The following RPS6KA6 variants were observed in gnomAD, a reference collection of about 807,000 sequenced individuals.
RPS6KA6 encodes ribosomal protein S6 kinase alpha-6.
A neutral mutation model predicts 65.4 loss-of-function variants in RPS6KA6; 27 were observed. The observed-to-expected ratio is 0.41, with a 90% CI of 0.30 to 0.57. RPS6KA6 has a LOEUF of 0.57. Among genes scored for constraint, RPS6KA6 ranks in the 20% least tolerant of loss-of-function variants. The probability of loss-of-function intolerance (pLI) is 0.24; values close to 1 mark genes in which losing one functional copy is unlikely to be tolerated. For missense variants in RPS6KA6, 486 were observed against 555.6 expected (o/e 0.87, Z 1.26); for synonymous variants, 190 against 184.2 (o/e 1.03, Z -0.26).
chrX:84,065,036 T>A lies in RPS6KA6; in HGVS notation c.2047A>T (p.Ile683Leu), dbSNP rs767887649. Residue 683 changes from isoleucine to leucine, a missense_variant, in exon 21 of 22, where the codon ATA becomes TTA. Ile to Leu is a conservative substitution (Grantham distance 5). Around this residue, in one of 3 missense-constraint regions of RPS6KA6, gnomAD observed 345 missense variants for 375.0 expected, o/e 0.92. Transcript: ENST00000262752. ...TTTGGCAACTGGTCTCTGTGAGTTATCCATGAGTGCTTTAATATTTGTTCA... is the reference window on the plus strand; with the variant it reads ...TTTGGCAACTGGTCTCTGTGAGTTAACCATGAGTGCTTTAATATTTGTTCA... Reference protein sequence around the residue: ...TAEQILKHSWITHRDQLPNDQ... With the variant: ...TAEQILKHSWLTHRDQLPNDQ... The A allele has an allele frequency of 2.5e-6, 3 of 1,201,423 alleles. No homozygotes were observed. The highest frequency in any genetic ancestry group is 3.4e-6 in the Non-Finnish European group (3 of 886,570).
intron 19 of RPS6KA6, among the ~76,000 whole-genome samples, chrX:84,096,804 A>T (rs1204687341): frequency 1.8e-5 from 2 of 111,643 alleles, no homozygotes; most frequent in Non-Finnish European, 3.8e-5. Context: ...GGTTGGTTAA[A>T]TATGTATATC....
At chrX:84,098,209 T>C (rs1025968175) in intron 18 of RPS6KA6, among the ~76,000 whole-genome samples, 1 of 111,339 alleles carries the variant, frequency 9.0e-6, no homozygotes, top group Non-Finnish European at 1.9e-5. Flanking sequence ...ATTACAAAAC[T>C]AGTAAGTAGT....
intron 1 of RPS6KA6, among the ~76,000 whole-genome samples, chrX:84,167,891 T>C (rs1180348737): frequency 9.0e-6 from 1 of 110,721 alleles, no homozygotes; most frequent in Non-Finnish European, 1.9e-5. Context: ...CTCAGAACCC[T>C]ACATGAAAAA....
chrX:84,094,437 T>A (rs2034111702), intron 20 of RPS6KA6, among the ~76,000 whole-genome samples: 1 of 107,332 alleles, frequency 9.3e-6, no homozygotes, highest in Non-Finnish European at 1.9e-5. Context: ...GGTCAGGAGA[T>A]CGAGACCATC....
intron 20 of RPS6KA6, among the ~76,000 whole-genome samples, chrX:84,087,826 C>T (rs768584705): frequency 8.9e-6 from 1 of 111,967 alleles, no homozygotes; most frequent in Non-Finnish European, 1.9e-5. Flanking sequence ...TTTACATAGT[C>T]CCATATTTCT....
At chrX:84,185,989 T>G (rs2035923922) in intron 1 of RPS6KA6, 2 of 497,649 alleles carry the variant, frequency 4.0e-6, no homozygotes, top group Non-Finnish European at 7.2e-6. Flanking sequence ...TTAAGTAACT[T>G]GCAGGGTTAA....
At chrX:84,083,182 T>A (rs1207766203) in intron 20 of RPS6KA6, among the ~76,000 whole-genome samples, 3 of 112,569 alleles carry the variant, frequency 2.7e-5, no homozygotes, top group African/African-American at 9.7e-5. Context: ...GGGAGAAAAT[T>A]TTTGGAATCT....
rs768878691 is a variant in RPS6KA6, at chrX:84,171,837, G to A, written c.82-7450C>T. Among the ~76,000 whole-genome samples, 170 of 109,714 alleles carry A rather than the reference G, an allele frequency of 1.5e-3. 1 individual carries two copies. Among genetic ancestry groups the A allele is most frequent in the African/African-American group, 5.5e-3 (165 of 30,065 alleles). ...CGAATACTCTCCCCGCCCTTTTCCC[G>A]CCAACCCCCGACATACCCCAGTGTG... On this transcript the variant is annotated intron_variant, in intron 1 of 21. Coordinates refer to ENST00000262752, the MANE Select transcript of RPS6KA6 (RefSeq NM_014496.5).
intron 3 of RPS6KA6, among the ~76,000 whole-genome samples, chrX:84,154,548 G>A (rs746765867): frequency 2.7e-5 from 3 of 111,019 alleles, no homozygotes; most frequent in Non-Finnish European, 5.7e-5. Flanking sequence ...GCTATAAAGT[G>A]CAAAATAGCT....
chrX:84,131,244 T>G (rs1335128231), intron 8 of RPS6KA6, among the ~76,000 whole-genome samples: 4 of 112,241 alleles, frequency 3.6e-5, no homozygotes, highest in Non-Finnish European at 3.8e-5. Flanking sequence ...AAGCCCTATA[T>G]TGCTTGTTTA....
intron 1 of RPS6KA6, among the ~76,000 whole-genome samples, chrX:84,177,073 G>C (rs772586925): frequency 9.0e-6 from 1 of 111,422 alleles, no homozygotes; most frequent in Non-Finnish European, 1.9e-5. Flanking sequence ...ACGAAAAAAA[G>C]ACAGCCTTAC....
At chrX:84,107,505 T>G in intron 13 of RPS6KA6, 118 bp downstream of exon 13, 2 of 438,166 alleles carry the variant, frequency 4.6e-6, no homozygotes, top group Non-Finnish European at 7.7e-6. Context: ...ATATTTCCCA[T>G]GGACAAATCA....
chrX:84,125,626 G>A (rs939417364), intron 8 of RPS6KA6, among the ~76,000 whole-genome samples: 14 of 111,042 alleles, frequency 1.3e-4, no homozygotes, highest in East Asian at 5.7e-4. Flanking sequence ...AGGCCGAGGC[G>A]GGCAGATCAC....
intron 12 of RPS6KA6, among the ~76,000 whole-genome samples, chrX:84,109,960 G>A (rs770996642): frequency 9.0e-6 from 1 of 111,363 alleles, no homozygotes; most frequent in African/African-American, 3.3e-5. Flanking sequence ...AGACGATACT[G>A]CCACAGCTAA....
intron 20 of RPS6KA6, among the ~76,000 whole-genome samples, chrX:84,094,380 C>T (rs5968262): frequency 2.9e-3 from 314 of 108,484 alleles, no homozygotes; most frequent in Admixed American, 5.4e-3. Context: ...TGGTGGCTCA[C>T]GCCTGTAATC....
intron 12 of RPS6KA6, among the ~76,000 whole-genome samples, chrX:84,113,260 C>G (rs1356778470): frequency 9.0e-6 from 1 of 111,397 alleles, no homozygotes; most frequent in Non-Finnish European, 1.9e-5. Flanking sequence ...GCCAATCTTA[C>G]TAAAACTGTT....
intron 1 of RPS6KA6, among the ~76,000 whole-genome samples, chrX:84,179,572 T>C (rs1261769239): frequency 8.9e-6 from 1 of 111,839 alleles, no homozygotes; most frequent in Non-Finnish European, 1.9e-5. Context: ...TTAATATTGT[T>C]CATAGATATG....
intron 18 of RPS6KA6, among the ~76,000 whole-genome samples, chrX:84,099,594 A>G (rs1248011803): frequency 9.0e-6 from 1 of 111,285 alleles, no homozygotes; most frequent in Non-Finnish European, 1.9e-5. Flanking sequence ...CTTCAAAATT[A>G]GTTTATAAAA....
chrX:84,117,396 T>C lies in RPS6KA6; in HGVS notation c.848A>G (p.Asn283Ser), dbSNP rs2034588804. ...FQGKDRNETM[N>S]MILKAKLGMP... ...TGTTTACACTTACTTTAATATCATA[T>C]TCATGGTCTCATTTCTGTCTTTACC... Residue 283 changes from asparagine to serine, a missense_variant, in exon 10 of 22, where the codon AAT becomes AGT. Coordinates refer to ENST00000262752, the MANE Select transcript of RPS6KA6 (RefSeq NM_014496.5). 8.8e-7 allele frequency: 1 copy of C among 1,134,688 alleles called. No homozygotes were observed. The highest frequency in any genetic ancestry group is 1.2e-6 in the Non-Finnish European group (1 of 841,627). The allele number at this position is 1,134,688 out of a possible 1,213,427, so 93.5% of individuals were successfully genotyped here.
Sources: gnomAD v4.1 joint callset for allele counts (sites outside exome capture counted in the v4.1 genomes callset) on GRCh38, gnomAD v4.1.1 for gene constraint, gnomAD v4.1.1 regional missense constraint, MANE v1.5 for transcripts, NCBI Gene and HGNC (gene_info 2026-07-23, HGNC 2026-07-21) for gene names.